BAZ1B: variants seen among roughly 807,000 people sequenced by gnomAD.
BAZ1B encodes bromodomain adjacent to zinc finger domain 1B.
Under a neutral mutation model 153.8 loss-of-function variants are expected in BAZ1B, and 22 were observed. The observed-to-expected ratio is 0.14, with a 90% confidence interval of 0.10 to 0.20. The LOEUF is 0.20. Among genes scored for constraint, BAZ1B ranks in the 10% least tolerant of loss-of-function variants. The pLI, the probability that BAZ1B is intolerant of heterozygous loss-of-function variation, is 1.00. For synonymous variants in BAZ1B, 676 were observed against 633.4 expected, an observed-to-expected ratio of 1.07 and a Z score of -1.01; for missense variants, 1,325 against 1,799.3, an observed-to-expected ratio of 0.74 and a Z score of 4.77.
chr7:73,519,047 C>T (rs1790926234), intron 1 of BAZ1B, among the ~76,000 whole-genome samples: 1 of 152,076 alleles, frequency 6.6e-6, no homozygotes, highest in Admixed American at 6.6e-5. Context: ...AAGTAATGTA[C>T]CATACAAAGC....
At chr7:73,507,928 G>C (rs144178974) in intron 3 of BAZ1B, among the ~76,000 whole-genome samples, 1 of 152,106 alleles carries the variant, frequency 6.6e-6, no homozygotes, top group East Asian at 1.9e-4. Context: ...GCCAAGGTGG[G>C]TGGATCATCT....
intron 15 of BAZ1B, among the ~76,000 whole-genome samples, chr7:73,448,300 G>A (rs766081393): frequency 6.6e-6 from 1 of 152,090 alleles, no homozygotes. Context: ...GCGAAACTCC[G>A]TCTCAAAAAA....
chr7:73,501,108 T>C (rs1382749800), intron 3 of BAZ1B, among the ~76,000 whole-genome samples: 11 of 151,644 alleles, frequency 7.3e-5, no homozygotes, highest in African/African-American at 2.4e-4. Flanking sequence ...AATACAAAAT[T>C]AGCTGGGTGT....
chr7:73,489,412 T>C (rs1789545569), intron 5 of BAZ1B, 21 bp from the exon 6 acceptor site: 14 of 1,613,272 alleles, frequency 8.7e-6, no homozygotes, highest in Non-Finnish European at 1.1e-5. Context: ...AAGAAACAAA[T>C]AACTCACCAC....
intron 13 of BAZ1B, among the ~76,000 whole-genome samples, chr7:73,451,589 G>C (rs1394394057): frequency 6.6e-6 from 1 of 152,328 alleles, no homozygotes; most frequent in East Asian, 1.9e-4. Context: ...TAGAAACAGA[G>C]AATCACAGGG....
chr7:73,497,392 T>C (rs1583937301), intron 4 of BAZ1B, among the ~76,000 whole-genome samples: 1 of 152,170 alleles, frequency 6.6e-6, no homozygotes, highest in Admixed American at 6.5e-5. Context: ...GTTCATTTTA[T>C]TGTTATTATT....
chr7:73,475,923 CAA>C (rs34851345), intron 7 of BAZ1B, among the ~76,000 whole-genome samples: 6,779 of 113,846 alleles, frequency 0.06, 165 homozygotes, highest in Non-Finnish European at 0.073. Flanking sequence ...GACTCCATCT[CAA>C]AAAAAAAAAA....
At chr7:73,454,128 T>G (rs1431605283) in intron 13 of BAZ1B, among the ~76,000 whole-genome samples, 2 of 141,712 alleles carry the variant, frequency 1.4e-5, no homozygotes, top group Non-Finnish European at 3.1e-5. Context: ...GGGAAACCCC[T>G]TCTCTATAAA....
intron 3 of BAZ1B, among the ~76,000 whole-genome samples, chr7:73,502,752 T>C (rs1790185680): frequency 6.6e-6 from 1 of 152,158 alleles, no homozygotes; most frequent in Non-Finnish European, 1.5e-5. Context: ...CACTCCAGCC[T>C]AGGCGACAGA....
chr7:73,504,054 C>T (rs781820539), intron 3 of BAZ1B, among the ~76,000 whole-genome samples: 65 of 152,320 alleles, frequency 4.3e-4, no homozygotes, highest in Middle Eastern at 3.4e-3. Flanking sequence ...TAAAGTCTTC[C>T]CCAACTGCTG....
At chr7:73,454,223 A>C (rs1554569089) in intron 13 of BAZ1B, among the ~76,000 whole-genome samples, 1 of 152,096 alleles carries the variant, frequency 6.6e-6, no homozygotes, top group Non-Finnish European at 1.5e-5. Flanking sequence ...CTACTCGGGA[A>C]AGTGAGGTGG....
chr7:73,461,854 C>T (rs1788407369), intron 12 of BAZ1B, among the ~76,000 whole-genome samples: 1 of 152,140 alleles, frequency 6.6e-6, no homozygotes, highest in Admixed American at 6.6e-5. Flanking sequence ...TTTTGAGAGG[C>T]TGAGGTAGGA....
chr7:73,467,451 C>A (rs782528453), intron 9 of BAZ1B, among the ~76,000 whole-genome samples: 22 of 152,124 alleles, frequency 1.4e-4, no homozygotes, highest in Non-Finnish European at 2.5e-4. Flanking sequence ...CTCACTGCAA[C>A]CCCTGCCTCC....
At chr7:73,462,900 G>C in intron 12 of BAZ1B, 22 bp downstream of exon 12, 1 of 1,611,756 alleles carries the variant, frequency 6.2e-7, no homozygotes, top group Non-Finnish European at 8.5e-7. Context: ...GTAATCTAAG[G>C]GGGATTTTCT....
rs1554564636 is a variant in BAZ1B at position 73,440,801 on chromosome 7, A to C, written c.*908T>G. 6.6e-6 allele frequency: 1 copy of C among 152,508 alleles called. No individual in the cohort carries two copies. The highest frequency in any genetic ancestry group is 1.5e-5 in the Non-Finnish European group (1 of 68,016). 9.4% of individuals were successfully genotyped at this position (152,508 alleles called of 1,614,324 possible). On this transcript the variant is annotated 3_prime_UTR_variant, in exon 20 of 20. Transcript: ENST00000339594. ...CTAGGAGCTGCAGTCCCCTTGGTGG[A>C]CTTTAAATAGGTACAGAAGAGCTTG... is the stretch of plus-strand genomic sequence containing the variant.
intron 3 of BAZ1B, among the ~76,000 whole-genome samples, chr7:73,500,134 G>A (rs782515688): frequency 4.1e-4 from 63 of 152,092 alleles, no homozygotes; most frequent in Non-Finnish European, 8.1e-4. Flanking sequence ...TAATTGAAAT[G>A]TTTAGATTAC....
chr7:73,498,572 A>T lies in BAZ1B; in HGVS notation c.496T>A (p.Ser166Thr). 6.2e-7 allele frequency: 1 copy of T among 1,614,062 alleles called. No homozygotes were observed. Among genetic ancestry groups the T allele is most frequent in the Non-Finnish European group, 8.5e-7 (1 of 1,179,990 alleles). Residue 166 changes from serine (S) to threonine (T), a missense_variant, in exon 4 of 20, where the codon TCC (serine) becomes ACC (threonine). By Grantham distance (58) the Ser-to-Thr change is moderately conservative. Coordinates refer to ENST00000339594, the MANE Select transcript of BAZ1B (RefSeq NM_032408.4). Reference sequence around the variant, plus strand: ...TGATGGTCCTGAGCAATCTGACTGGAGTTCTCTTTGTCACTTGATGGAGAA... The same window carrying T: ...TGATGGTCCTGAGCAATCTGACTGGTGTTCTCTTTGTCACTTGATGGAGAA... ...CDSPSSDKEN[S>T]SQIAQDHQKK... is the part of the protein sequence containing the mutation.
At chr7:73,516,372 T>C (rs1285884740) in intron 1 of BAZ1B, among the ~76,000 whole-genome samples, 1 of 152,072 alleles carries the variant, frequency 6.6e-6, no homozygotes, top group Non-Finnish European at 1.5e-5. Context: ...CTACAAAATT[T>C]TAAATTACAT....
chr7:73,515,896 G>A (rs1790779203), intron 1 of BAZ1B, among the ~76,000 whole-genome samples: 1 of 152,104 alleles, frequency 6.6e-6, no homozygotes, highest in South Asian at 2.1e-4. Context: ...TGTAATCCCA[G>A]CACTTTGGGA....
Sources: gnomAD v4.1 joint callset for allele counts (sites outside exome capture counted in the v4.1 genomes callset) on GRCh38, gnomAD v4.1.1 for gene constraint, MANE v1.5 for transcripts, NCBI Gene and HGNC (gene_info 2026-07-23, HGNC 2026-07-21) for gene names.